Variants in LUZP2 observed in about 807,000 individuals in gnomAD.
LUZP2 encodes the protein leucine zipper protein 2.
A neutral mutation model predicts 51.6 loss-of-function variants in LUZP2; 52 were observed. That is an observed-to-expected ratio of 1.01 (90% CI 0.81 to 1.27). The LOEUF (loss-of-function observed/expected upper bound fraction) is 1.27, where lower values mean the gene tolerates loss of function less well. Among genes scored for constraint, LUZP2 ranks in the 50% most tolerant of loss-of-function variants. The probability of loss-of-function intolerance (pLI) is 0.00; values close to 1 mark genes in which losing one functional copy is unlikely to be tolerated. For synonymous variants in LUZP2, 154 were observed against 137.3 expected, an observed-to-expected ratio of 1.12 and a Z score of -0.85; for missense variants, 436 against 395.4, an observed-to-expected ratio of 1.10 and a Z score of -0.87.
chr11:24,661,745 A>G (rs1249032916), intron 1 of LUZP2, among the ~76,000 whole-genome samples: 5 of 152,178 alleles, frequency 3.3e-5, no homozygotes, highest in Non-Finnish European at 7.4e-5. Flanking sequence ...AGCTTTTATA[A>G]ATATGGTGAA....
chr11:24,976,703 T>C, intron 8 of LUZP2, 38 bp downstream of exon 8: 2 of 932,066 alleles, frequency 2.1e-6, no homozygotes, highest in Non-Finnish European at 2.8e-6. Flanking sequence ...ACTGTAGTTT[T>C]AGCAAAAAAA....
chr11:25,019,368 G>A (rs1857261510), intron 9 of LUZP2, among the ~76,000 whole-genome samples: 1 of 152,146 alleles, frequency 6.6e-6, no homozygotes, highest in Middle Eastern at 3.4e-3. Context: ...AGGTGACACA[G>A]TTTAACTTTT....
chr11:25,013,182 GA>G (rs1263798867), intron 9 of LUZP2, among the ~76,000 whole-genome samples: 7 of 152,114 alleles, frequency 4.6e-5, no homozygotes, highest in Non-Finnish European at 8.8e-5. Flanking sequence ...TGATGACAGG[GA>G]AGTAGAGCGT....
intron 4 of LUZP2, among the ~76,000 whole-genome samples, chr11:24,745,479 A>G (rs755180770): frequency 1.1e-4 from 17 of 152,112 alleles, no homozygotes; most frequent in Non-Finnish European, 2.5e-4. Context: ...TGTCTCTTTT[A>G]ACCACTGTTG....
chr11:24,990,469 G>T (rs892711167), intron 9 of LUZP2, among the ~76,000 whole-genome samples: 10 of 151,920 alleles, frequency 6.6e-5, no homozygotes, highest in Non-Finnish European at 1.2e-4. Context: ...GAAAATATAT[G>T]ACTAACCATT....
intron 5 of LUZP2, among the ~76,000 whole-genome samples, chr11:24,853,745 TCA>T (rs1851465486): frequency 6.6e-6 from 1 of 152,156 alleles, no homozygotes; most frequent in African/African-American, 2.4e-5. Context: ...TGTTTTTTCC[TCA>T]TCCTCATGGA....
chr11:24,621,337 G>A (rs1393564031), intron 1 of LUZP2, among the ~76,000 whole-genome samples: 1 of 152,212 alleles, frequency 6.6e-6, no homozygotes, highest in Non-Finnish European at 1.5e-5. Context: ...TTGAACTGGA[G>A]TCTGTTTGAC....
At chr11:25,016,744 T>A (rs1857171255) in intron 9 of LUZP2, among the ~76,000 whole-genome samples, 1 of 152,166 alleles carries the variant, frequency 6.6e-6, no homozygotes. Flanking sequence ...TACATATGCA[T>A]GTGTCTTTTT....
chr11:24,652,552 C>T (rs1177705272), intron 1 of LUZP2, among the ~76,000 whole-genome samples: 1 of 151,962 alleles, frequency 6.6e-6, no homozygotes, highest in Non-Finnish European at 1.5e-5. Flanking sequence ...ATGTATATGT[C>T]CTCATGCAAA....
intron 1 of LUZP2, among the ~76,000 whole-genome samples, chr11:24,592,186 C>A (rs1853283111): frequency 6.6e-6 from 1 of 152,160 alleles, no homozygotes; most frequent in African/African-American, 2.4e-5. Flanking sequence ...GGATATTGTT[C>A]CAGGATCTTT....
At chr11:24,530,762 CTTTTT>C (rs367857815) in intron 1 of LUZP2, among the ~76,000 whole-genome samples, 1,651 of 75,446 alleles carry the variant, frequency 0.022, 24 homozygotes, top group African/African-American at 0.066. Context: ...CTTCTTCTTA[CTTTTT>C]TTTTTTTTTT....
intron 1 of LUZP2, among the ~76,000 whole-genome samples, chr11:24,567,238 G>GA (rs138401731): frequency 6.8e-5 from 10 of 147,294 alleles, no homozygotes; most frequent in Non-Finnish European, 7.5e-5. Flanking sequence ...GAGTAGATTT[G>GA]AAAAAAAAAT....
At chr11:24,983,997 A>C (rs1230825564) in intron 9 of LUZP2, among the ~76,000 whole-genome samples, 2 of 151,682 alleles carry the variant, frequency 1.3e-5, no homozygotes, top group Non-Finnish European at 2.9e-5. Context: ...ATCTTCAAAA[A>C]CTTCAATTTG....
At chr11:24,680,891 T>G (rs1220812416) in intron 1 of LUZP2, among the ~76,000 whole-genome samples, 1 of 152,196 alleles carries the variant, frequency 6.6e-6, no homozygotes, top group Non-Finnish European at 1.5e-5. Flanking sequence ...TCTCAAACTT[T>G]GGACTGCTGT....
intron 9 of LUZP2, among the ~76,000 whole-genome samples, chr11:25,004,059 A>T (rs962632482): frequency 6.6e-6 from 1 of 152,118 alleles, no homozygotes; most frequent in African/African-American, 2.4e-5. Flanking sequence ...GAGGAAGTGA[A>T]TTTCCTGGCC....
intron 1 of LUZP2, among the ~76,000 whole-genome samples, chr11:24,607,698 C>T (rs1253829275): frequency 6.6e-6 from 1 of 151,032 alleles, no homozygotes; most frequent in African/African-American, 2.5e-5. Flanking sequence ...TGATAAGGAT[C>T]GCATTGGATC....
intron 1 of LUZP2, among the ~76,000 whole-genome samples, chr11:24,648,936 A>C (rs899604707): frequency 1.4e-4 from 22 of 151,998 alleles, no homozygotes; most frequent in African/African-American, 5.1e-4. Context: ...TTTTCTATCA[A>C]GCCAGTAAGG....
At chr11:24,749,530 G>T (rs531568436) in intron 4 of LUZP2, among the ~76,000 whole-genome samples, 1 of 152,274 alleles carries the variant, frequency 6.6e-6, no homozygotes, top group South Asian at 2.1e-4. Flanking sequence ...TACCCTCAAT[G>T]TAGGCGGCAC....
intron 5 of LUZP2, among the ~76,000 whole-genome samples, chr11:24,883,559 T>C (rs1193755227): frequency 3.3e-5 from 5 of 152,034 alleles, no homozygotes; most frequent in South Asian, 2.1e-4. Context: ...AACTGCAGTA[T>C]GAAATTTTCG....
Sources: gnomAD v4.1 joint callset for allele counts (sites outside exome capture counted in the v4.1 genomes callset) on GRCh38, gnomAD v4.1.1 for gene constraint, MANE v1.5 for transcripts, NCBI Gene and HGNC (gene_info 2026-07-23, HGNC 2026-07-21) for gene names.